The following MYO18B variants were observed in gnomAD, a reference collection of about 807,000 sequenced individuals.
The protein encoded by MYO18B is myosin XVIIIB.
MYO18B carries 204 observed loss-of-function variants against 273.0 expected under a neutral mutation model. The observed-to-expected ratio is 0.75, with a 90% CI of 0.67 to 0.84. The LOEUF (loss-of-function observed/expected upper bound fraction) is 0.84. MYO18B is among the 40% of genes least tolerant of loss of function. The pLI is 0.00. For synonymous variants in MYO18B, 1,330 were observed against 1,305.7 expected (o/e 1.02, Z -0.40); for missense variants, 3,212 against 3,287.6 (o/e 0.98, Z 0.56).
intron 1 of MYO18B, among the ~76,000 whole-genome samples, chr22:25,753,599 C>CA (rs2086014942): frequency 6.6e-6 from 1 of 152,206 alleles, no homozygotes; most frequent in Non-Finnish European, 1.5e-5. Flanking sequence ...ATTGTTGGGT[C>CA]TACGCTGCGT....
At chr22:26,007,530 G>A (rs1192957404) in intron 42 of MYO18B, among the ~76,000 whole-genome samples, 1 of 152,124 alleles carries the variant, frequency 6.6e-6, no homozygotes, top group Non-Finnish European at 1.5e-5. Flanking sequence ...ACTGCCTAAG[G>A]ATTATTATGC....
intron 20 of MYO18B, among the ~76,000 whole-genome samples, chr22:25,848,629 T>C (rs373633620): frequency 1.3e-5 from 2 of 152,162 alleles, no homozygotes; most frequent in African/African-American, 2.4e-5. Flanking sequence ...ATTGAAGTTT[T>C]TGGGTCTGTA....
the MYO18B span, among the ~76,000 whole-genome samples, chr22:26,059,838 A>G: frequency 6.6e-6 from 1 of 152,178 alleles, no homozygotes. Context: ...GAGCTCTTGG[A>G]AGAAGAAATT....
rs569130707 is a variant in MYO18B, at chr22:25,961,230, A to G, written c.6156+5866A>G. On this transcript the variant is annotated intron_variant, in intron 39 of 43. Transcript: ENST00000335473. ...GAGCTAGCCTCCATCTAAAAAAAAA[A>G]AAAAAAGAAAGAAAGAAAACAACAA... is the stretch of plus-strand genomic sequence containing the variant. Among the ~76,000 whole-genome samples, 221 of 152,012 alleles carry G rather than the reference A, an allele frequency of 1.5e-3. 1 individual carries two copies. The highest frequency in any genetic ancestry group is 5.1e-3 in the African/African-American group (211 of 41,466).
intron 39 of MYO18B, among the ~76,000 whole-genome samples, chr22:25,970,293 G>T (rs888512260): frequency 6.6e-6 from 1 of 152,146 alleles, no homozygotes; most frequent in Non-Finnish European, 1.5e-5. Context: ...TCAAGAGTAG[G>T]CAAGCCCTGT....
At chr22:25,902,578 C>A in intron 29 of MYO18B, 35 bp from the exon 30 acceptor site, 1 of 1,592,614 alleles carries the variant, frequency 6.3e-7, no homozygotes. Context: ...GCCCACCTGC[C>A]TACGGGGCCC....
chr22:25,915,374 C>G (rs1405023598), intron 33 of MYO18B, among the ~76,000 whole-genome samples: 1 of 152,178 alleles, frequency 6.6e-6, no homozygotes, highest in Non-Finnish European at 1.5e-5. Context: ...TAGTCTATTG[C>G]TCCTGGGCTA....
chr22:26,063,724 C>T, the MYO18B span, among the ~76,000 whole-genome samples: 2 of 152,332 alleles, frequency 1.3e-5, no homozygotes, highest in Middle Eastern at 3.4e-3. Flanking sequence ...TCTATGTTTT[C>T]CTTCGACCAT....
chr22:25,850,645 G>A (rs765309635), intron 20 of MYO18B, among the ~76,000 whole-genome samples: 75 of 152,144 alleles, frequency 4.9e-4, no homozygotes, highest in African/African-American at 1.6e-3. Context: ...TGGCACGATC[G>A]TGGCTTGCTG....
chr22:25,934,403 T>G (rs1013815), intron 34 of MYO18B, among the ~76,000 whole-genome samples: 121,346 of 152,026 alleles, frequency 0.8, 49,385 homozygotes, highest in Middle Eastern at 0.9. Context: ...TTCTGGTGAG[T>G]TGGGAGTGGT....
chr22:26,001,009 T>C (rs1293213673), intron 40 of MYO18B, among the ~76,000 whole-genome samples: 1 of 152,222 alleles, frequency 6.6e-6, no homozygotes, highest in Non-Finnish European at 1.5e-5. Context: ...GATCAGAAGC[T>C]TAGGAGGAGC....
intron 29 of MYO18B, chr22:25,899,180 G>A (rs920122464): frequency 2.0e-5 from 3 of 152,240 alleles, no homozygotes; most frequent in South Asian, 2.1e-4. Context: ...ACAGTGAGGC[G>A]ATGGTGGAGC....
chr22:25,816,523 G>C (rs1436846644), intron 12 of MYO18B, among the ~76,000 whole-genome samples: 1 of 126,640 alleles, frequency 7.9e-6, no homozygotes, highest in Non-Finnish European at 1.6e-5. Context: ...GCCCCAATGT[G>C]TTGTGTTCCC....
chr22:25,889,868 T>A (rs2091610443), intron 25 of MYO18B, among the ~76,000 whole-genome samples: 1 of 152,230 alleles, frequency 6.6e-6, no homozygotes. Flanking sequence ...AATCACTGCA[T>A]TTCTGAGGCA....
intron 29 of MYO18B, chr22:25,899,692 G>A (rs6004817): frequency 0.088 from 13,319 of 152,108 alleles, 692 homozygotes; most frequent in African/African-American, 0.15. Context: ...CCACCTCCCT[G>A]TGGGTGCTCT....
intron 3 of MYO18B, among the ~76,000 whole-genome samples, chr22:25,767,732 T>G (rs1377089784): frequency 2.0e-5 from 3 of 152,212 alleles, no homozygotes; most frequent in Non-Finnish European, 4.4e-5. Context: ...GGGCTCAGTT[T>G]CTACATATTG....
At chr22:25,953,960 G>A (rs1423217625) in intron 38 of MYO18B, among the ~76,000 whole-genome samples, 1 of 152,168 alleles carries the variant, frequency 6.6e-6, no homozygotes, top group African/African-American at 2.4e-5. Flanking sequence ...GAGGTGAACT[G>A]AATAGGAAAG....
chr22:25,827,644 T>G (rs1042463274), intron 14 of MYO18B, among the ~76,000 whole-genome samples: 1 of 152,196 alleles, frequency 6.6e-6, no homozygotes, highest in African/African-American at 2.4e-5. Context: ...CAAGTTGTCG[T>G]GGACACAGAA....
chr22:25,846,927 A>C (rs2090264152), intron 19 of MYO18B, among the ~76,000 whole-genome samples: 1 of 152,054 alleles, frequency 6.6e-6, no homozygotes, highest in Non-Finnish European at 1.5e-5. Context: ...TAAAAATACA[A>C]AAAATTGGCT....
Sources: allele counts gnomAD v4.1 joint callset (sites outside exome capture counted in the v4.1 genomes callset), GRCh38; gene constraint gnomAD v4.1.1; transcripts MANE v1.5; gene names NCBI Gene and HGNC (gene_info 2026-07-23, HGNC 2026-07-21).